Variants in GRID2 observed in about 807,000 individuals in gnomAD.
GRID2 encodes glutamate ionotropic receptor delta type subunit 2, also known as glutamate receptor ionotropic, delta-2.
In GRID2, 33 loss-of-function variants were observed where a neutral mutation model predicts 114.8. That is an observed-to-expected ratio of 0.29 (90% confidence interval 0.22 to 0.38). The LOEUF is 0.38. GRID2 is among the 10% of genes least tolerant of loss of function. The probability of loss-of-function intolerance (pLI) is 1.00; values close to 1 mark genes in which losing one functional copy is unlikely to be tolerated. For missense variants in GRID2, 1,184 were observed against 1,257.7 expected (o/e 0.94, Z 0.89); for synonymous variants, 505 against 449.9 (o/e 1.12, Z -1.55).
At chr4:92,931,678 C>A in intron 2 of GRID2, among the ~76,000 whole-genome samples, 1 of 148,676 alleles carries the variant, frequency 6.7e-6, no homozygotes, top group African/African-American at 2.5e-5. Flanking sequence ...ACCAAAATAA[C>A]CTGGATAAAA....
At chr4:93,633,253 A>G (rs1266787015) in intron 14 of GRID2, among the ~76,000 whole-genome samples, 1 of 151,888 alleles carries the variant, frequency 6.6e-6, no homozygotes, top group Non-Finnish European at 1.5e-5. Flanking sequence ...TATTATAACT[A>G]TAAGAATTTT....
At chr4:93,449,854 G>T (rs1722513330) in intron 10 of GRID2, among the ~76,000 whole-genome samples, 1 of 151,886 alleles carries the variant, frequency 6.6e-6, no homozygotes, top group Admixed American at 6.6e-5. Flanking sequence ...GTAAAATAAA[G>T]TTGACATAAT....
intron 4 of GRID2, among the ~76,000 whole-genome samples, chr4:93,142,234 A>G (rs1735839809): frequency 1.3e-5 from 2 of 152,044 alleles, no homozygotes; most frequent in South Asian, 4.1e-4. Context: ...CAAAAAACCT[A>G]CTTCTCTTTT....
At chr4:92,392,999 A>G (rs1274906366) in intron 1 of GRID2, among the ~76,000 whole-genome samples, 3 of 152,178 alleles carry the variant, frequency 2.0e-5, no homozygotes, top group Admixed American at 1.3e-4. Flanking sequence ...TCTACAGGCT[A>G]TACAGGAAGC....
chr4:93,099,907 T>C (rs1045106282), intron 3 of GRID2, among the ~76,000 whole-genome samples: 3 of 151,882 alleles, frequency 2.0e-5, no homozygotes, highest in Non-Finnish European at 2.9e-5. Context: ...TCCTCTTAAT[T>C]GATTGCAAAT....
At chr4:92,610,743 C>G (rs2149228139) in intron 2 of GRID2, among the ~76,000 whole-genome samples, 1 of 151,748 alleles carries the variant, frequency 6.6e-6, no homozygotes. Context: ...TCCATACTAC[C>G]TTCAAGCCAA....
At chr4:92,377,981 C>T (rs1729435441) in intron 1 of GRID2, among the ~76,000 whole-genome samples, 1 of 151,892 alleles carries the variant, frequency 6.6e-6, no homozygotes, top group Admixed American at 6.6e-5. Flanking sequence ...TTTTGTAATA[C>T]TGTTTTGAGC....
At chr4:93,522,688 T>G (rs905795304) in intron 13 of GRID2, among the ~76,000 whole-genome samples, 1 of 152,072 alleles carries the variant, frequency 6.6e-6, no homozygotes, top group Non-Finnish European at 1.5e-5. Flanking sequence ...CGGGCCTAGA[T>G]GGGACTGGAA....
chr4:93,656,297 T>C (rs1722985730), intron 14 of GRID2, among the ~76,000 whole-genome samples: 1 of 152,072 alleles, frequency 6.6e-6, no homozygotes, highest in Non-Finnish European at 1.5e-5. Context: ...TAAATAAATA[T>C]TTTCAACCTT....
intron 1 of GRID2, among the ~76,000 whole-genome samples, chr4:92,387,016 C>T (rs915857647): frequency 1.3e-5 from 2 of 151,806 alleles, no homozygotes; most frequent in African/African-American, 4.8e-5. Context: ...CTGAACAAAA[C>T]CTAACAGAAA....
chr4:93,260,000 T>A (rs763519468), intron 8 of GRID2, among the ~76,000 whole-genome samples: 3 of 151,774 alleles, frequency 2.0e-5, no homozygotes, highest in African/African-American at 7.2e-5. Flanking sequence ...TTAGTTTTCA[T>A]GGGAAGACTT....
intron 2 of GRID2, among the ~76,000 whole-genome samples, chr4:92,879,920 A>G (rs1247391843): frequency 2.0e-5 from 3 of 152,222 alleles, no homozygotes; most frequent in African/African-American, 7.2e-5. Context: ...TCCAATTGGA[A>G]TCCAGTAGGT....
At chr4:93,625,641 C>T (rs192901800) in intron 13 of GRID2, among the ~76,000 whole-genome samples, 1 of 152,202 alleles carries the variant, frequency 6.6e-6, no homozygotes, top group African/African-American at 2.4e-5. Flanking sequence ...GTGGGCCGGG[C>T]GCGGTGGCTC....
At chr4:92,305,083 A>AT (rs370137393) in intron 1 of GRID2, among the ~76,000 whole-genome samples, 753 of 150,630 alleles carry the variant, frequency 5.0e-3, no homozygotes, top group Non-Finnish European at 6.6e-3. Context: ...TATCTTCCAT[A>AT]TTTTTTTTCC....
chr4:93,486,656 A>G (rs960939712), intron 11 of GRID2, among the ~76,000 whole-genome samples: 15 of 151,698 alleles, frequency 9.9e-5, no homozygotes, highest in African/African-American at 3.6e-4. Flanking sequence ...GCGAATTACA[A>G]TGATTGATTT....
rs1033665686 is a variant in GRID2 at position 93,328,140 on chromosome 4, C to A, written c.1246-67467C>A. On this transcript the variant is annotated intron_variant, in intron 8 of 15. Coordinates refer to ENST00000282020, the MANE Select transcript of GRID2 (RefSeq NM_001510.4). ...CTCAAAAACAAAAACAAAAAAAAAA[C>A]AAAAAACATGTCCTTTAGCAAGCAA... 4.6e-4 allele frequency among the ~76,000 whole-genome samples: 69 copies of A among 149,732 alleles called. 1 individual carries two copies. The East Asian group carries it at 9.0e-3, about 19-fold the overall frequency.
At chr4:93,680,760 G>T (rs999784607) in intron 14 of GRID2, among the ~76,000 whole-genome samples, 11 of 151,956 alleles carry the variant, frequency 7.2e-5, no homozygotes, top group Non-Finnish European at 1.2e-4. Context: ...AATAAATTAG[G>T]TATTGATGGG....
intron 1 of GRID2, among the ~76,000 whole-genome samples, chr4:92,579,296 A>G (rs1182810174): frequency 6.6e-6 from 1 of 152,028 alleles, no homozygotes; most frequent in Non-Finnish European, 1.5e-5. Flanking sequence ...TGTATACTCT[A>G]TCATCGCTTT....
At chr4:92,550,503 A>G (rs555249457) in intron 1 of GRID2, among the ~76,000 whole-genome samples, 5 of 152,198 alleles carry the variant, frequency 3.3e-5, no homozygotes, top group Non-Finnish European at 7.3e-5. Flanking sequence ...TTAAAAAAGT[A>G]TGAGTATAAT....
Sources: gnomAD v4.1 joint callset for allele counts (sites outside exome capture counted in the v4.1 genomes callset) on GRCh38, gnomAD v4.1.1 for gene constraint, MANE v1.5 for transcripts, NCBI Gene and HGNC (gene_info 2026-07-23, HGNC 2026-07-21) for gene names.